The following NT5DC3 variants were observed in gnomAD, a reference collection of about 807,000 sequenced individuals.
NT5DC3 encodes 5'-nucleotidase domain-containing protein 3.
NT5DC3 carries 42 observed loss-of-function variants against 67.8 expected under a neutral mutation model. The observed-to-expected ratio is 0.62, with a 90% CI of 0.48 to 0.80. NT5DC3 has a LOEUF of 0.80. Ranked by LOEUF, NT5DC3 falls within the 30% of genes least tolerant of loss-of-function variation. The pLI, the probability that NT5DC3 is intolerant of heterozygous loss-of-function variation, is 0.00. For synonymous variants in NT5DC3, 237 were observed against 255.6 expected, an observed-to-expected ratio of 0.93 and a Z score of 0.69; for missense variants, 570 against 696.4, an observed-to-expected ratio of 0.82 and a Z score of 2.04.
intron 2 of NT5DC3, 36 bp downstream of exon 2, chr12:103,814,901 G>T (rs751628461): frequency 4.6e-6 from 7 of 1,532,006 alleles, no homozygotes; most frequent in Non-Finnish European, 6.2e-6. Context: ...AGAGGAAAAG[G>T]GGAGGGAGAA....
At chr12:103,766,320 C>A, downstream of NT5DC3, 1 of 1,613,446 alleles carries the variant, frequency 6.2e-7, no homozygotes, top group Non-Finnish European at 8.5e-7. Flanking sequence ...GGCAATGACC[C>A]CTTGAGGACA....
chr12:103,761,534 G>A, the NT5DC3 span: 5 of 824,236 alleles, frequency 6.1e-6, no homozygotes, highest in South Asian at 8.6e-5. Flanking sequence ...GGAGCCTCCA[G>A]CCTCCAACCT....
In NT5DC3 at chr12:103,776,169, T is replaced by C. The variant is rs1475319929; in HGVS notation, c.*1660A>G. On this transcript the variant is annotated 3_prime_UTR_variant, in exon 14 of 14. Transcript: ENST00000392876. ...TCAGAGAGTGCAGTAAATATGCACT[T>C]TACATTGAAGGATACTACAAATGCA... The C allele has an allele frequency of 6.6e-6, 1 of 152,124 alleles. No individual in the cohort carries two copies. Among genetic ancestry groups the C allele is most frequent in the Non-Finnish European group, 1.5e-5 (1 of 68,032 alleles). 9.4% of individuals were successfully genotyped at this position (152,124 alleles called of 1,614,324 possible). A position where few individuals can be genotyped will look rare whatever the true frequency, so the allele number is the denominator to read the frequency against.
chr12:103,827,569 G>A (rs1051949701), intron 1 of NT5DC3, among the ~76,000 whole-genome samples: 1 of 152,110 alleles, frequency 6.6e-6, no homozygotes, highest in African/African-American at 2.4e-5. Context: ...GCAGAGAGTT[G>A]CATCTCTACA....
intron 13 of NT5DC3, among the ~76,000 whole-genome samples, chr12:103,779,253 G>A (rs1003925829): frequency 7.9e-5 from 12 of 152,066 alleles, no homozygotes; most frequent in African/African-American, 2.4e-4. Flanking sequence ...TCATCCTTAC[G>A]GGCATGTATA....
intron 1 of NT5DC3, among the ~76,000 whole-genome samples, chr12:103,829,258 T>G (rs1323574866): frequency 2.2e-4 from 34 of 152,192 alleles, no homozygotes; most frequent in Non-Finnish European, 1.0e-4. Context: ...CTGTTGCAAC[T>G]GCTCAGCTCT....
chr12:103,786,107 T>C (rs769191789), intron 11 of NT5DC3, among the ~76,000 whole-genome samples: 1 of 151,990 alleles, frequency 6.6e-6, no homozygotes, highest in Non-Finnish European at 1.5e-5. Flanking sequence ...ATACTGAGGA[T>C]AAAACAATGC....
At chr12:103,823,173 T>C (rs1887557470) in intron 1 of NT5DC3, among the ~76,000 whole-genome samples, 1 of 150,284 alleles carries the variant, frequency 6.7e-6, no homozygotes, top group African/African-American at 2.4e-5. Context: ...CAGGAGTCCC[T>C]GAAGAAGAAA....
At chr12:103,833,484 T>C (rs906768927) in intron 1 of NT5DC3, among the ~76,000 whole-genome samples, 1 of 152,206 alleles carries the variant, frequency 6.6e-6, no homozygotes, top group Non-Finnish European at 1.5e-5. Flanking sequence ...TTGTGTCTTA[T>C]GCTTATACAC....
At position 103,773,123 on chromosome 12, in the gene NT5DC3, G is replaced by T. The variant is rs1212422690; in HGVS notation, c.*4706C>A. On this transcript the variant is annotated 3_prime_UTR_variant, in exon 14 of 14. Coordinates refer to ENST00000392876, the MANE Select transcript of NT5DC3 (RefSeq NM_001031701.3). Reference sequence around the variant, plus strand: ...CTCCTCTCTGCATCCCAGCTATAAGGTTATTCATCTGCATGTTCTCAGCAA... The same window carrying T: ...CTCCTCTCTGCATCCCAGCTATAAGTTTATTCATCTGCATGTTCTCAGCAA... 1 of 152,148 alleles carries T rather than the reference G, an allele frequency of 6.6e-6. No individual in the cohort carries two copies. The highest frequency in any genetic ancestry group is 6.5e-5 in the Admixed American group (1 of 15,270). 9.4% of individuals were successfully genotyped at this position (152,148 alleles called of 1,614,324 possible).
intron 1 of NT5DC3, among the ~76,000 whole-genome samples, chr12:103,838,714 T>C (rs1888252484): frequency 1.3e-5 from 2 of 151,930 alleles, no homozygotes; most frequent in African/African-American, 4.8e-5. Context: ...TTCAATAGAG[T>C]TAATCTGTGG....
chr12:103,799,995 G>A (rs1049766434), intron 4 of NT5DC3, among the ~76,000 whole-genome samples: 3 of 152,034 alleles, frequency 2.0e-5, no homozygotes, highest in African/African-American at 4.8e-5. Context: ...CAATGATTAC[G>A]AAACAACAGA....
intron 4 of NT5DC3, chr12:103,802,340 A>C (rs1168411784): frequency 3.3e-5 from 5 of 152,236 alleles, no homozygotes; most frequent in Non-Finnish European, 7.3e-5. Flanking sequence ...GCAGAGAGGA[A>C]GGAAAACTGC....
At chr12:103,800,488 G>A (rs1408574561) in intron 4 of NT5DC3, among the ~76,000 whole-genome samples, 1 of 152,250 alleles carries the variant, frequency 6.6e-6, no homozygotes. Context: ...CCGGGTCAGA[G>A]TTATTTCCCT....
At chr12:103,811,667 G>A (rs1376649956) in intron 2 of NT5DC3, among the ~76,000 whole-genome samples, 1 of 152,080 alleles carries the variant, frequency 6.6e-6, no homozygotes, top group Admixed American at 6.5e-5. Context: ...ATGGACATTC[G>A]ATAAAAACCA....
intron 1 of NT5DC3, among the ~76,000 whole-genome samples, chr12:103,833,074 T>C (rs1316752287): frequency 6.6e-6 from 1 of 152,212 alleles, no homozygotes; most frequent in African/African-American, 2.4e-5. Context: ...ATGTTCTTAT[T>C]AGGCATATTA....
chr12:103,749,289 G>C, the NT5DC3 span: 1 of 1,079,098 alleles, frequency 9.3e-7, no homozygotes, highest in African/African-American at 1.6e-5. Flanking sequence ...TCTGTTTCTT[G>C]TTAAAAGTCA....
chr12:103,800,761 CGAGGTTAGGAGCACA>C (rs1176851485), intron 4 of NT5DC3, among the ~76,000 whole-genome samples: 25 of 152,232 alleles, frequency 1.6e-4, no homozygotes, highest in African/African-American at 5.3e-4. Context: ...ATGAGAAACA[CGAGGTTAGGAGCACA>C]GATCTGAATG....
At chr12:103,815,384 T>C (rs1307229173) in intron 1 of NT5DC3, among the ~76,000 whole-genome samples, 1 of 152,180 alleles carries the variant, frequency 6.6e-6, no homozygotes, top group Admixed American at 6.5e-5. Context: ...ACAGAATTTC[T>C]TTTTGTGGTG....
Sources: gnomAD v4.1 joint callset for allele counts (sites outside exome capture counted in the v4.1 genomes callset) on GRCh38, gnomAD v4.1.1 for gene constraint, MANE v1.5 for transcripts, NCBI Gene and HGNC (gene_info 2026-07-23, HGNC 2026-07-21) for gene names.